Variants in TMEM132D observed in about 807,000 individuals in gnomAD.
The protein encoded by TMEM132D is mature OL transmembrane protein.
In TMEM132D, 21 loss-of-function variants were observed where a neutral mutation model predicts 62.3. The observed-to-expected ratio is 0.34, with a 90% CI of 0.24 to 0.49. The LOEUF (loss-of-function observed/expected upper bound fraction) is 0.49. TMEM132D is among the 20% of genes least tolerant of loss of function. The pLI is 0.99. For synonymous variants in TMEM132D, 621 were observed against 575.6 expected, an observed-to-expected ratio of 1.08 and a Z score of -1.13; for missense variants, 1,346 against 1,402.8, an observed-to-expected ratio of 0.96 and a Z score of 0.65.
At chr12:129,515,225 C>T (rs566688836) in intron 3 of TMEM132D, among the ~76,000 whole-genome samples, 1 of 152,280 alleles carries the variant, frequency 6.6e-6, no homozygotes, top group South Asian at 2.1e-4. Flanking sequence ...CCCCAGAAAT[C>T]GAAACGCTGT....
chr12:129,884,933 A>T (rs1439535781), intron 1 of TMEM132D, among the ~76,000 whole-genome samples: 1 of 152,228 alleles, frequency 6.6e-6, no homozygotes, highest in African/African-American at 2.4e-5. Context: ...ATGGCATACT[A>T]CTCAGTAATA....
chr12:129,422,201 G>A lies in TMEM132D; in HGVS notation c.1116-84384C>T, dbSNP rs137973540. ...ATTTGGGTTTGACGAAACATTCTAAGCAAGAGACAAAAAAAGAATATCTAT... is the reference window on the plus strand; with the variant it reads ...ATTTGGGTTTGACGAAACATTCTAAACAAGAGACAAAAAAAGAATATCTAT... On this transcript the variant is annotated intron_variant, in intron 3 of 8. Coordinates refer to ENST00000422113, the MANE Select transcript of TMEM132D (RefSeq NM_133448.3). 7.7e-3 allele frequency among the ~76,000 whole-genome samples: 1,163 copies of A among 151,458 alleles called. 8 individuals carry two copies. Among genetic ancestry groups the A allele is most frequent in the Non-Finnish European group, 8.5e-3 (578 of 67,938 alleles).
chr12:129,165,711 C>T (rs1877527141), intron 5 of TMEM132D, among the ~76,000 whole-genome samples: 1 of 151,638 alleles, frequency 6.6e-6, no homozygotes, highest in Non-Finnish European at 1.5e-5. Context: ...AAGAGATACT[C>T]TGCCATGTTA....
At chr12:129,104,741 C>G (rs957423278) in intron 5 of TMEM132D, among the ~76,000 whole-genome samples, 13 of 150,860 alleles carry the variant, frequency 8.6e-5, no homozygotes, top group African/African-American at 3.2e-4. Context: ...AGGACATGGA[C>G]AGACACTTCT....
intron 1 of TMEM132D, among the ~76,000 whole-genome samples, chr12:129,738,687 C>G (rs1869505207): frequency 6.6e-6 from 1 of 152,140 alleles, no homozygotes; most frequent in Non-Finnish European, 1.5e-5. Flanking sequence ...TTCTTTCAAA[C>G]CAAGTCTCAG....
At position 129,543,712 on chromosome 12, in the gene TMEM132D, T is replaced by C. The variant is rs533640796; in HGVS notation, c.969-12507A>G. 5.3e-5 allele frequency among the ~76,000 whole-genome samples: 8 copies of C among 152,322 alleles called. No homozygotes were observed. In the East Asian group the frequency reaches 1.4e-3, roughly 26 times the overall value. On this transcript the variant is annotated intron_variant, in intron 2 of 8. Coordinates refer to ENST00000422113, the MANE Select transcript of TMEM132D (RefSeq NM_133448.3). ...GATGCTTATCACTTTCACACCATTG[T>C]AAAATAGTTATAAGTTGAACCACCA...
At chr12:129,330,503 C>T (rs974222728) in intron 4 of TMEM132D, among the ~76,000 whole-genome samples, 3 of 152,170 alleles carry the variant, frequency 2.0e-5, no homozygotes, top group African/African-American at 4.8e-5. Flanking sequence ...TTAATCCATT[C>T]GTGGATGTGA....
chr12:129,469,039 C>A (rs1012317950), intron 3 of TMEM132D, among the ~76,000 whole-genome samples: 7 of 152,238 alleles, frequency 4.6e-5, no homozygotes, highest in African/African-American at 1.2e-4. Flanking sequence ...GACATTAAAG[C>A]AACAACAACA....
At chr12:129,267,206 A>T (rs561095087) in intron 4 of TMEM132D, among the ~76,000 whole-genome samples, 1 of 152,290 alleles carries the variant, frequency 6.6e-6, no homozygotes, top group African/African-American at 2.4e-5. Context: ...GGAGAAAGAA[A>T]TAAAGGGTAT....
intron 2 of TMEM132D, among the ~76,000 whole-genome samples, chr12:129,610,502 G>C (rs1309602867): frequency 6.6e-6 from 1 of 152,026 alleles, no homozygotes; most frequent in Non-Finnish European, 1.5e-5. Flanking sequence ...CTTCCATAAA[G>C]CATTAAAACA....
At chr12:129,582,448 C>T (rs936930632) in intron 2 of TMEM132D, among the ~76,000 whole-genome samples, 10 of 152,286 alleles carry the variant, frequency 6.6e-5, no homozygotes, top group South Asian at 2.1e-4. Context: ...GCACTGGAAA[C>T]GTATGCACAC....
At chr12:129,505,778 C>T (rs1259081135) in intron 3 of TMEM132D, among the ~76,000 whole-genome samples, 1 of 151,934 alleles carries the variant, frequency 6.6e-6, no homozygotes, top group East Asian at 1.9e-4. Context: ...ATATAATGTC[C>T]CTCTTTGTCT....
chr12:129,820,110 A>G (rs1175958604), intron 1 of TMEM132D, among the ~76,000 whole-genome samples: 1 of 152,124 alleles, frequency 6.6e-6, no homozygotes, highest in Non-Finnish European at 1.5e-5. Context: ...TACCTTCCGC[A>G]TGGAAGTTCT....
At chr12:129,281,230 A>G (rs1881136563) in intron 4 of TMEM132D, among the ~76,000 whole-genome samples, 1 of 152,114 alleles carries the variant, frequency 6.6e-6, no homozygotes, top group African/African-American at 2.4e-5. Context: ...TACCCAACGG[A>G]TGCCCCATAC....
chr12:129,846,879 C>T (rs1373722611), intron 1 of TMEM132D, among the ~76,000 whole-genome samples: 2 of 152,026 alleles, frequency 1.3e-5, no homozygotes, highest in Admixed American at 6.6e-5. Flanking sequence ...TTTTTAAATC[C>T]ACTATGAAAA....
intron 3 of TMEM132D, among the ~76,000 whole-genome samples, chr12:129,412,695 A>G (rs1872003461): frequency 6.6e-6 from 1 of 152,092 alleles, no homozygotes; most frequent in Admixed American, 6.5e-5. Context: ...TCTCTACTAA[A>G]ATACAAAATT....
At chr12:129,876,510 T>A (rs1874421296) in intron 1 of TMEM132D, among the ~76,000 whole-genome samples, 1 of 152,194 alleles carries the variant, frequency 6.6e-6, no homozygotes, top group African/African-American at 2.4e-5. Context: ...CAGGACCTTA[T>A]CAGCAACAAG....
chr12:129,596,231 C>T (rs1314753865), intron 2 of TMEM132D, among the ~76,000 whole-genome samples: 5 of 152,168 alleles, frequency 3.3e-5, no homozygotes, highest in Non-Finnish European at 5.9e-5. Flanking sequence ...ATAGCTCTTA[C>T]TCATGATAAC....
intron 2 of TMEM132D, among the ~76,000 whole-genome samples, chr12:129,675,796 G>A (rs1054899263): frequency 1.3e-5 from 2 of 152,132 alleles, no homozygotes; most frequent in South Asian, 2.1e-4. Flanking sequence ...ACACAACCAG[G>A]AATTATCCAG....
Sources: gnomAD v4.1 joint callset for allele counts (sites outside exome capture counted in the v4.1 genomes callset) on GRCh38, gnomAD v4.1.1 for gene constraint, MANE v1.5 for transcripts, NCBI Gene and HGNC (gene_info 2026-07-23, HGNC 2026-07-21) for gene names.